The following CACNA2D1 variants were observed in gnomAD, a reference collection of about 807,000 sequenced individuals.
CACNA2D1 encodes calcium voltage-gated channel auxiliary subunit alpha2delta 1.
In CACNA2D1, 53 loss-of-function variants were observed where a neutral mutation model predicts 171.5. The ratio of observed to expected loss-of-function variants is 0.31; its 90% CI spans 0.25 to 0.39. The LOEUF is 0.39. CACNA2D1 is among the 10% of genes least tolerant of loss of function. CACNA2D1 has a pLI of 1.00. For missense variants in CACNA2D1, 903 were observed against 1,299.8 expected, an observed-to-expected ratio of 0.69 and a Z score of 4.69; for synonymous variants, 442 against 443.1, an observed-to-expected ratio of 1.00 and a Z score of 0.03.
At chr7:82,124,797 C>T (rs1440374299) in intron 5 of CACNA2D1, among the ~76,000 whole-genome samples, 1 of 152,132 alleles carries the variant, frequency 6.6e-6, no homozygotes, top group Non-Finnish European at 1.5e-5. Flanking sequence ...CCACCGGTAA[C>T]ACCTAGACTC....
At chr7:82,435,030 CTTTTTT>C (rs764179836) in intron 1 of CACNA2D1, among the ~76,000 whole-genome samples, 1 of 84,344 alleles carries the variant, frequency 1.2e-5, no homozygotes, top group African/African-American at 4.7e-5. Context: ...TCTTCAGATA[CTTTTTT>C]TTTTTTTTTT....
chr7:81,995,257 T>G (rs886850004), intron 19 of CACNA2D1, among the ~76,000 whole-genome samples: 1 of 152,200 alleles, frequency 6.6e-6, no homozygotes, highest in Non-Finnish European at 1.5e-5. Context: ...AAAGTAGTCA[T>G]TGAGACATAG....
intron 1 of CACNA2D1, among the ~76,000 whole-genome samples, chr7:82,440,727 A>G (rs1429111588): frequency 1.3e-5 from 2 of 151,938 alleles, no homozygotes; most frequent in African/African-American, 4.8e-5. Flanking sequence ...TAAACAGGAG[A>G]GCAAAAAATG....
chr7:82,348,373 A>ATT (rs200075306), intron 2 of CACNA2D1, among the ~76,000 whole-genome samples: 3 of 150,108 alleles, frequency 2.0e-5, no homozygotes, highest in Admixed American at 6.6e-5. Flanking sequence ...AGTAATCGAG[A>ATT]TTTTTTTTTT....
chr7:82,203,558 G>C (rs1219863623), intron 3 of CACNA2D1, among the ~76,000 whole-genome samples: 3 of 152,154 alleles, frequency 2.0e-5, no homozygotes, highest in African/African-American at 7.2e-5. Flanking sequence ...GTGCGGCTGA[G>C]ACCACCTTCC....
At chr7:82,145,544 T>A (rs1227426777) in intron 4 of CACNA2D1, among the ~76,000 whole-genome samples, 2 of 144,886 alleles carry the variant, frequency 1.4e-5, no homozygotes, top group Admixed American at 7.0e-5. Context: ...AGAATGTGTG[T>A]GTATATATGT....
intron 1 of CACNA2D1, among the ~76,000 whole-genome samples, chr7:82,431,298 A>G (rs1445201633): frequency 6.6e-6 from 1 of 152,164 alleles, no homozygotes; most frequent in African/African-American, 2.4e-5. Flanking sequence ...TCAATTCGTG[A>G]TCTCTTAAAG....
At chr7:82,081,902 T>C (rs531617558) in intron 7 of CACNA2D1, among the ~76,000 whole-genome samples, 2 of 150,104 alleles carry the variant, frequency 1.3e-5, no homozygotes, top group Admixed American at 6.6e-5. Flanking sequence ...CCATTCCAAG[T>C]GCTGGCACAG....
chr7:82,439,679 T>C (rs1399541822), intron 1 of CACNA2D1, among the ~76,000 whole-genome samples: 2 of 151,306 alleles, frequency 1.3e-5, no homozygotes, highest in East Asian at 1.9e-4. Flanking sequence ...TATAGCTATG[T>C]GTAACATTAA....
intron 3 of CACNA2D1, among the ~76,000 whole-genome samples, chr7:82,310,592 T>C (rs541729797): frequency 6.6e-6 from 1 of 152,144 alleles, no homozygotes; most frequent in African/African-American, 2.4e-5. Flanking sequence ...AAGATTTTCA[T>C]ATACTATTAA....
intron 1 of CACNA2D1, among the ~76,000 whole-genome samples, chr7:82,395,594 G>A (rs1042376328): frequency 6.6e-6 from 1 of 152,124 alleles, no homozygotes; most frequent in African/African-American, 2.4e-5. Context: ...AAAAGTGACT[G>A]AGGAACTGAA....
intron 1 of CACNA2D1, among the ~76,000 whole-genome samples, chr7:82,382,335 C>T (rs1354384483): frequency 1.3e-5 from 2 of 152,248 alleles, no homozygotes; most frequent in African/African-American, 4.8e-5. Context: ...CTGGAGTTCT[C>T]TGTCAAGTGG....
At chr7:81,991,991 CGCCTG>C (rs1182809550) in intron 20 of CACNA2D1, among the ~76,000 whole-genome samples, 3 of 141,916 alleles carry the variant, frequency 2.1e-5, no homozygotes, top group Non-Finnish European at 3.0e-5. Context: ...CCTGCCACCA[CGCCTG>C]GCTCATTTTT....
chr7:81,977,097 G>C (rs1184469956), intron 24 of CACNA2D1, among the ~76,000 whole-genome samples: 1 of 152,114 alleles, frequency 6.6e-6, no homozygotes, highest in Non-Finnish European at 1.5e-5. Context: ...TGCTGAATAG[G>C]AGTGGTGAGA....
chr7:82,385,541 A>G (rs978137096), intron 1 of CACNA2D1, among the ~76,000 whole-genome samples: 1 of 152,202 alleles, frequency 6.6e-6, no homozygotes, highest in African/African-American at 2.4e-5. Flanking sequence ...ATGCTAACAT[A>G]TTGTCTGTTT....
chr7:82,414,562 A>G (rs1827986316), intron 1 of CACNA2D1, among the ~76,000 whole-genome samples: 1 of 152,218 alleles, frequency 6.6e-6, no homozygotes, highest in Non-Finnish European at 1.5e-5. Context: ...AGCAGTGAGT[A>G]TTAAAAGCAT....
chr7:82,421,027 C>T (rs1473111385), intron 1 of CACNA2D1, among the ~76,000 whole-genome samples: 1 of 152,102 alleles, frequency 6.6e-6, no homozygotes, highest in Non-Finnish European at 1.5e-5. Flanking sequence ...TTAAAAAGCC[C>T]TTGTGCTTTA....
intron 24 of CACNA2D1, among the ~76,000 whole-genome samples, chr7:81,977,967 C>G (rs1796027073): frequency 6.6e-6 from 1 of 152,102 alleles, no homozygotes; most frequent in Non-Finnish European, 1.5e-5. Flanking sequence ...ATTTATGCGG[C>G]CAACAAACAT....
intron 38 of CACNA2D1, among the ~76,000 whole-genome samples, chr7:81,954,826 C>T (rs1234958824): frequency 2.0e-5 from 3 of 152,016 alleles, no homozygotes; most frequent in Non-Finnish European, 4.4e-5. Context: ...TGAAGACAAT[C>T]TATATTTAAA....
Sources: gnomAD v4.1 joint callset for allele counts (sites outside exome capture counted in the v4.1 genomes callset) on GRCh38, gnomAD v4.1.1 for gene constraint, MANE v1.5 for transcripts, NCBI Gene and HGNC (gene_info 2026-07-23, HGNC 2026-07-21) for gene names.